Variants in LRRC8A observed in about 807,000 individuals in gnomAD.
LRRC8A encodes volume-regulated anion channel subunit LRRC8A.
In LRRC8A, 24 loss-of-function variants were observed where a neutral mutation model predicts 52.5. The observed-to-expected ratio is 0.46, with a 90% CI of 0.33 to 0.64. The LOEUF (loss-of-function observed/expected upper bound fraction) is 0.64. Among genes scored for constraint, LRRC8A ranks in the 30% least tolerant of loss-of-function variants. LRRC8A has a pLI of 0.02. For missense variants in LRRC8A, 677 were observed against 1,094.7 expected, an observed-to-expected ratio of 0.62 and a Z score of 5.38; for synonymous variants, 492 against 494.2, an observed-to-expected ratio of 1.00 and a Z score of 0.06.
chr9:128,910,529 C>T (rs977349027), intron 3 of LRRC8A, among the ~76,000 whole-genome samples: 3 of 152,150 alleles, frequency 2.0e-5, no homozygotes, highest in African/African-American at 7.2e-5. Flanking sequence ...CCCATCTCTA[C>T]CAAAAATACA....
chr9:128,910,853 T>G (rs60627009), intron 3 of LRRC8A, among the ~76,000 whole-genome samples: 2,014 of 152,328 alleles, frequency 0.013, 34 homozygotes, highest in African/African-American at 0.044. Flanking sequence ...CCCTCCCCTC[T>G]GCAGCCTCCG....
rs982040302 is a variant in LRRC8A, at chr9:128,911,086, G to A, written c.2157+1765G>A. 2.6e-5 allele frequency among the ~76,000 whole-genome samples: 4 copies of A among 151,732 alleles called. No homozygotes were observed. Among genetic ancestry groups the A allele is most frequent in the Admixed American group, 1.3e-4 (2 of 15,230 alleles). On this transcript the variant is annotated intron_variant, in intron 3 of 3. Transcript: ENST00000372600. The surrounding 1 kb of genome is among the most constrained non-coding windows in gnomAD (Gnocchi z 4.9). ...GAGGGAGGTGGCCCCTGGAATGCCC[G>A]GTCTGTCTATAGTATCCTCAGGCAC... is the stretch of plus-strand genomic sequence containing the variant.
chr9:128,884,833 A>G (rs1839325507), intron 1 of LRRC8A, among the ~76,000 whole-genome samples: 1 of 152,104 alleles, frequency 6.6e-6, no homozygotes, highest in African/African-American at 2.4e-5. Context: ...TTTACTGCCT[A>G]GTCACCACCA....
At position 128,888,161 on chromosome 9, in the gene LRRC8A, A is replaced by G. The variant is rs899613450; in HGVS notation, c.-9+2040A>G. Among the ~76,000 whole-genome samples the G allele has an allele frequency of 2.6e-5, 4 of 152,260 alleles. No homozygotes were observed. The South Asian group carries it at 6.2e-4, about 24-fold the overall frequency. ...GTCAGCCAACTCCTGGCTCTGCCCC[A>G]TAGGAGTTTCCTGTTGGTTTTGAGG... On this transcript the variant is annotated intron_variant, in intron 2 of 3. Transcript: ENST00000372600.
At chr9:128,890,822 C>T (rs1839586875) in intron 2 of LRRC8A, among the ~76,000 whole-genome samples, 1 of 152,176 alleles carries the variant, frequency 6.6e-6, no homozygotes, top group South Asian at 2.1e-4. Context: ...GACCTGTAAA[C>T]CGTGTGTGGC....
At chr9:128,910,075 T>C (rs1588225191) in intron 3 of LRRC8A, among the ~76,000 whole-genome samples, 1 of 152,178 alleles carries the variant, frequency 6.6e-6, no homozygotes, top group African/African-American at 2.4e-5. Context: ...CAAGGGCCCC[T>C]TGGTGGAGGC....
chr9:128,885,759 A>T (rs578100132), intron 1 of LRRC8A, among the ~76,000 whole-genome samples: 18 of 152,274 alleles, frequency 1.2e-4, no homozygotes, highest in African/African-American at 4.3e-4. Flanking sequence ...AATACAAAAA[A>T]TTAGCCAGGC....
chr9:128,901,559 G>A (rs1840027269), intron 2 of LRRC8A, among the ~76,000 whole-genome samples: 1 of 152,140 alleles, frequency 6.6e-6, no homozygotes, highest in Non-Finnish European at 1.5e-5. Flanking sequence ...CCAGGAGTTT[G>A]AGACCAGCCT....
rs1436645974 is a variant in LRRC8A at position 128,899,455 on chromosome 9, T to A, written c.-8-7702T>A. On this transcript the variant is annotated intron_variant, in intron 2 of 3. Transcript: ENST00000372600. The surrounding 1 kb of genome is among the most constrained non-coding windows in gnomAD (Gnocchi z 4.0). ...GCTGCCTGTCTGGGCCCACTGTAAA[T>A]CCAGGTTTGAACGCCACCTCTGTCA... Among the ~76,000 whole-genome samples, 1 of 151,194 alleles carries A rather than the reference T, an allele frequency of 6.6e-6. No individual in the cohort carries two copies. The highest frequency in any genetic ancestry group is 2.4e-5 in the African/African-American group (1 of 41,082).
chr9:128,916,703 A>G lies in LRRC8A; in HGVS notation c.*332A>G. 3.8e-6 allele frequency: 1 copy of G among 265,900 alleles called. No individual in the cohort carries two copies. The highest frequency in any genetic ancestry group is 7.2e-6 in the Non-Finnish European group (1 of 139,062). 16.5% of individuals were successfully genotyped at this position (265,900 alleles called of 1,614,324 possible). On this transcript the variant is annotated 3_prime_UTR_variant, in exon 4 of 4. Transcript: ENST00000372600. This position sits in a 1 kb window ranked among gnomAD's most constrained non-coding sequence, Gnocchi z 6.1. Reference sequence around the variant, plus strand: ...TGCCACCAGAGGTCCTGGGACCCTCACTTTAGTTCTTGGTATTTATTTTTC... The same window carrying G: ...TGCCACCAGAGGTCCTGGGACCCTCGCTTTAGTTCTTGGTATTTATTTTTC...
At chr9:128,904,065 T>G (rs1840139986) in intron 2 of LRRC8A, among the ~76,000 whole-genome samples, 1 of 151,914 alleles carries the variant, frequency 6.6e-6, no homozygotes, top group Non-Finnish European at 1.5e-5. Flanking sequence ...ATTCTGGTTA[T>G]TAACATTATC....
intron 3 of LRRC8A, 56 bp downstream of exon 3, chr9:128,909,377 T>C (rs2131028109): frequency 6.5e-7 from 1 of 1,539,854 alleles, no homozygotes; most frequent in South Asian, 1.1e-5. Context: ...TGGCCAGGGC[T>C]TGTGGTGGGG....
chr9:128,888,977 A>G (rs975374561), intron 2 of LRRC8A, among the ~76,000 whole-genome samples: 1 of 151,956 alleles, frequency 6.6e-6, no homozygotes, highest in Non-Finnish European at 1.5e-5. Flanking sequence ...ACAGGCTGGG[A>G]TGCTGCACGC....
chr9:128,909,419 G>A lies in LRRC8A; in HGVS notation c.2157+98G>A, dbSNP rs193088329. ...GCAGGCTCAGTGTCCTGGGACCGTC[G>A]ATGCCCCTGAGTGTGGAGTCCTCAC... is the stretch of plus-strand genomic sequence containing the variant. On this transcript the variant is annotated intron_variant, in intron 3 of 3. Coordinates refer to ENST00000372600, the MANE Select transcript of LRRC8A (RefSeq NM_019594.4). The A allele has an allele frequency of 5.9e-3, 7,167 of 1,207,548 alleles. 38 individuals are homozygous for A. Among genetic ancestry groups the A allele is most frequent in the Non-Finnish European group, 6.9e-3 (5,823 of 847,308 alleles). 74.8% of individuals were successfully genotyped at this position (1,207,548 alleles called of 1,614,324 possible).
At position 128,907,596 on chromosome 9, in the gene LRRC8A, C is replaced by T. The variant is rs1223448503; in HGVS notation, c.432C>T (p.Phe144=). 6.2e-7 allele frequency: 1 copy of T among 1,614,064 alleles called. No homozygotes were observed. The highest frequency in any genetic ancestry group is 8.5e-7 in the Non-Finnish European group (1 of 1,180,050). The change falls in exon 3 of 4, where the codon TTC becomes TTT. Residue 144 remains phenylalanine, a synonymous_variant. Transcript: ENST00000372600. This position sits in a 1 kb window ranked among gnomAD's most constrained non-coding sequence, Gnocchi z 9.3. ...TCCTGGCCTGCAGCAACTTCTGGTT[C>T]AAATTCCCGCGCACCAGCTCGAAGC... The part of the protein sequence containing the change: ...LIFLACSNFW[F]KFPRTSSKLE...
chr9:128,898,629 T>C (rs1839914024), intron 2 of LRRC8A, among the ~76,000 whole-genome samples: 1 of 152,220 alleles, frequency 6.6e-6, no homozygotes, highest in African/African-American at 2.4e-5. Context: ...ATGTGTTGAA[T>C]GTTTCAGGCC....
intron 3 of LRRC8A, among the ~76,000 whole-genome samples, chr9:128,914,937 G>A (rs7861189): frequency 2.0e-5 from 3 of 152,136 alleles, no homozygotes; most frequent in East Asian, 1.9e-4. Flanking sequence ...CAGTGTGGAC[G>A]GTTCACCAGA....
intron 2 of LRRC8A, among the ~76,000 whole-genome samples, chr9:128,898,528 G>A (rs1353434079): frequency 6.6e-6 from 1 of 152,244 alleles, no homozygotes; most frequent in African/African-American, 2.4e-5. Context: ...CTGAAGTCAG[G>A]GTTGCTCTGG....
intron 2 of LRRC8A, among the ~76,000 whole-genome samples, chr9:128,893,575 C>T (rs1047279373): frequency 6.6e-6 from 1 of 152,042 alleles, no homozygotes; most frequent in African/African-American, 2.4e-5. Flanking sequence ...GAGGTGAGGA[C>T]CGCAAGCTGC....
Sources: gnomAD v4.1 joint callset for allele counts (sites outside exome capture counted in the v4.1 genomes callset) on GRCh38, gnomAD v4.1.1 for gene constraint, Gnocchi (gnomAD v3.1) non-coding constraint, MANE v1.5 for transcripts, NCBI Gene and HGNC (gene_info 2026-07-23, HGNC 2026-07-21) for gene names.